Variants in PDXK observed in about 807,000 individuals in gnomAD.
PDXK encodes epididymis secretory sperm binding protein Li 1a.
PDXK carries 15 observed loss-of-function variants against 43.2 expected under a neutral mutation model. That is an observed-to-expected ratio of 0.35 (90% confidence interval 0.23 to 0.53). The LOEUF (loss-of-function observed/expected upper bound fraction) is 0.53. Among genes scored for constraint, PDXK ranks in the 20% least tolerant of loss-of-function variants. The pLI, the probability that PDXK is intolerant of heterozygous loss-of-function variation, is 0.92. For synonymous variants in PDXK, 172 were observed against 165.4 expected (o/e 1.04, Z -0.31); for missense variants, 343 against 417.0 (o/e 0.82, Z 1.54).
intron 1 of PDXK, 29 bp downstream of exon 1, chr21:43,719,410 C>G: frequency 1.3e-6 from 2 of 1,507,412 alleles, no homozygotes; most frequent in Non-Finnish European, 1.8e-6. Context: ...CCCGGGCTTA[C>G]GTAACCCGAG....
chr21:43,727,890 T>A (rs1304483470), intron 1 of PDXK, among the ~76,000 whole-genome samples: 1 of 152,214 alleles, frequency 6.6e-6, no homozygotes, highest in Non-Finnish European at 1.5e-5. Context: ...GGAATGCTGC[T>A]TTGGCAATCC....
In PDXK at chr21:43,743,739, A is replaced by C. The variant is rs749650755; in HGVS notation, c.263A>C (p.Lys88Thr). 6.2e-7 allele frequency: 1 copy of C among 1,613,334 alleles called. No homozygotes were observed. Among genetic ancestry groups the C allele is most frequent in the Non-Finnish European group, 8.5e-7 (1 of 1,179,402 alleles). Residue 88 changes from lysine to threonine, a missense_variant, in exon 4 of 11, where the codon AAG becomes ACG. Lys to Thr is a moderately conservative substitution (Grantham distance 78). Coordinates refer to ENST00000291565, the MANE Select transcript of PDXK (RefSeq NM_003681.5). ...DYVLTGYTRD[K>T]SFLAMVVDIV... ...CCCCCTAAAGGTTATACGAGGGACA[A>C]GTCGTTCCTGGCCATGGTGGTGGAC...
At chr21:43,719,551 C>T in intron 1 of PDXK, 170 bp downstream of exon 1, 2 of 965,846 alleles carry the variant, frequency 2.1e-6, no homozygotes, top group Non-Finnish European at 2.5e-6. Context: ...GCTTGGCTTG[C>T]GGGGGCGGAA....
At chr21:43,725,195 C>T (rs915184273) in intron 1 of PDXK, among the ~76,000 whole-genome samples, 1 of 151,986 alleles carries the variant, frequency 6.6e-6, no homozygotes, top group Non-Finnish European at 1.5e-5. Context: ...TGGTGGTGGG[C>T]GACTGTAGTC....
At position 43,754,835 on chromosome 21, in the gene PDXK, A is replaced by G. The variant is rs903656805; in HGVS notation, c.760-863A>G. Among the ~76,000 whole-genome samples, 1 of 151,764 alleles carries G rather than the reference A, an allele frequency of 6.6e-6. No individual in the cohort carries two copies. The highest frequency in any genetic ancestry group is 1.5e-5 in the Non-Finnish European group (1 of 67,912). On this transcript the variant is annotated intron_variant, in intron 9 of 10. Transcript: ENST00000291565. The surrounding 1 kb of genome is among the most constrained non-coding windows in gnomAD (Gnocchi z 5.5). ...AGGGGCCACGTGTCCCCCGGGGTAC[A>G]CCTCCTCCCCAACAAGTCAGTTTCA... is the stretch of plus-strand genomic sequence containing the variant.
chr21:43,736,976 C>A lies in PDXK; in HGVS notation c.142+2853C>A. On this transcript the variant is annotated intron_variant, in intron 2 of 10. Coordinates refer to ENST00000291565, the MANE Select transcript of PDXK (RefSeq NM_003681.5). ...TAGAGACAAGGTCGGTCTCTGTCGCCCAGGCTGGCGTGAAGTGGCGCAACC... is the reference window on the plus strand; with the variant it reads ...TAGAGACAAGGTCGGTCTCTGTCGCACAGGCTGGCGTGAAGTGGCGCAACC... 5.7e-6 allele frequency: 4 copies of A among 701,360 alleles called. No homozygotes were observed. The Admixed American group carries it at 6.0e-5, about 11-fold the overall frequency. The allele number at this position is 701,360 out of a possible 1,614,324, so 43.4% of individuals were successfully genotyped here.
At chr21:43,721,148 G>T (rs1330474933) in intron 1 of PDXK, among the ~76,000 whole-genome samples, 1 of 152,230 alleles carries the variant, frequency 6.6e-6, no homozygotes, top group Non-Finnish European at 1.5e-5. Context: ...GCAATGTGAT[G>T]ACCGAGGGGC....
At chr21:43,733,253 A>ACCCCC (rs1226314950) in intron 1 of PDXK, among the ~76,000 whole-genome samples, 30 of 56,162 alleles carry the variant, frequency 5.3e-4, no homozygotes, top group South Asian at 1.1e-3. Context: ...CCCCATCCCC[A>ACCCCC]CCCCCCCCCC....
chr21:43,732,155 C>T lies in PDXK; in HGVS notation c.88-1914C>T, dbSNP rs1162735538. 2 of 1,393,806 alleles carry T rather than the reference C, an allele frequency of 1.4e-6. No homozygotes were observed. The highest frequency in any genetic ancestry group is 2.9e-5 in the African/African-American group (2 of 69,132). 86.3% of individuals were successfully genotyped at this position (1,393,806 alleles called of 1,614,324 possible). On this transcript the variant is annotated intron_variant, in intron 1 of 10. Coordinates refer to ENST00000291565, the MANE Select transcript of PDXK (RefSeq NM_003681.5). The surrounding 1 kb of genome is among the most constrained non-coding windows in gnomAD (Gnocchi z 4.1). ...TCTTCGCAGGCTTCAGTTTCACATTCTTGGTACCTCCTGGTGGTGCCTGGG... is the reference window on the plus strand; with the variant it reads ...TCTTCGCAGGCTTCAGTTTCACATTTTTGGTACCTCCTGGTGGTGCCTGGG...
At chr21:43,731,966 G>A (rs1452774189) in intron 1 of PDXK, among the ~76,000 whole-genome samples, 3 of 152,216 alleles carry the variant, frequency 2.0e-5, no homozygotes, top group Non-Finnish European at 4.4e-5. Flanking sequence ...GCCAGCTGGC[G>A]GGTGCTGGGA....
chr21:43,719,520 G>A, intron 1 of PDXK, 139 bp downstream of exon 1: 1 of 1,330,980 alleles, frequency 7.5e-7, no homozygotes, highest in Non-Finnish European at 9.8e-7. Flanking sequence ...GGAGGCAGGC[G>A]CGGGATGAGC....
rs534817929 is a variant in PDXK, at chr21:43,737,865, A to G, written c.142+3742A>G. 1.5e-4 allele frequency: 152 copies of G among 985,486 alleles called. 1 individual carries two copies. The African/African-American group carries it at 2.6e-3, about 17-fold the overall frequency. The allele number at this position is 985,486 out of a possible 1,614,324, so 61.0% of individuals were successfully genotyped here. A position where few individuals can be genotyped will look rare whatever the true frequency, so the allele number is the denominator to read the frequency against. ...CATCTGTAAATGGAATGAGTTGGACACAAGATCCAAGCGCCCTCCCCTGTT... is the reference window on the plus strand; with the variant it reads ...CATCTGTAAATGGAATGAGTTGGACGCAAGATCCAAGCGCCCTCCCCTGTT... On this transcript the variant is annotated intron_variant, in intron 2 of 10. Transcript: ENST00000291565. This position sits in a 1 kb window ranked among gnomAD's most constrained non-coding sequence, Gnocchi z 4.8.
chr21:43,750,017 T>C (rs1076843), intron 6 of PDXK, among the ~76,000 whole-genome samples: 90,497 of 151,826 alleles, frequency 0.6, 27,157 homozygotes, highest in Non-Finnish European at 0.61. Flanking sequence ...AGCCAGGTCT[T>C]GAGCCCCCCC....
chr21:43,742,236 A>G lies in PDXK; in HGVS notation c.247+465A>G, dbSNP rs140736453. Among the ~76,000 whole-genome samples the G allele has an allele frequency of 4.4e-3, 664 of 152,264 alleles. 3 individuals are homozygous for G. The highest frequency in any genetic ancestry group is 0.015 in the African/African-American group (614 of 41,540). On this transcript the variant is annotated intron_variant, in intron 3 of 10. Transcript: ENST00000291565. ...ACTCTGTGGCCCAGGCTGTAGTGCA[A>G]TGGCACAATCATAGCTCACTGCAGC...
At chr21:43,725,633 A>C (rs1568972183) in intron 1 of PDXK, among the ~76,000 whole-genome samples, 1 of 152,016 alleles carries the variant, frequency 6.6e-6, no homozygotes, top group Non-Finnish European at 1.5e-5. Context: ...AACATGGTGA[A>C]GCTCCATCTC....
intron 1 of PDXK, chr21:43,719,864 G>T (rs1285773422): frequency 1.0e-6 from 1 of 985,360 alleles, no homozygotes; most frequent in Non-Finnish European, 1.2e-6. Context: ...CCCTGTGCGT[G>T]GGGAAGTCAG....
At position 43,737,790 on chromosome 21, in the gene PDXK, G is replaced by A. The variant is rs575541460; in HGVS notation, c.142+3667G>A. On this transcript the variant is annotated intron_variant, in intron 2 of 10. Transcript: ENST00000291565. This position sits in a 1 kb window ranked among gnomAD's most constrained non-coding sequence, Gnocchi z 4.8. ...TGGCCGGCTGGGATCTGACAGGAGT[G>A]CCAGGCTCCTTGGGCCGCCCGAGGA... 77 of 985,418 alleles carry A rather than the reference G, an allele frequency of 7.8e-5. No individual in the cohort carries two copies. Among genetic ancestry groups the A allele is most frequent in the East Asian group, 2.3e-4 (2 of 8,808 alleles). The allele number at this position is 985,418 out of a possible 1,614,324, so 61.0% of individuals were successfully genotyped here. A position where few individuals can be genotyped will look rare whatever the true frequency, so the allele number is the denominator to read the frequency against.
At chr21:43,733,546 C>G (rs2083354807) in intron 1 of PDXK, 1 of 534,028 alleles carries the variant, frequency 1.9e-6, no homozygotes, top group African/African-American at 2.1e-5. Context: ...CCCTCCCTCT[C>G]TGTCCTCACA....
At chr21:43,749,513 C>G (rs933316876) in intron 6 of PDXK, among the ~76,000 whole-genome samples, 1 of 152,246 alleles carries the variant, frequency 6.6e-6, no homozygotes, top group Admixed American at 6.5e-5. Flanking sequence ...GTTTAGCTTA[C>G]GAAGTGGTTC....
Sources: allele counts gnomAD v4.1 joint callset (sites outside exome capture counted in the v4.1 genomes callset), GRCh38; gene constraint gnomAD v4.1.1; non-coding constraint Gnocchi (gnomAD v3.1); transcripts MANE v1.5; gene names NCBI Gene and HGNC (gene_info 2026-07-23, HGNC 2026-07-21).